ADARB2: variants seen among roughly 807,000 people sequenced by gnomAD.
ADARB2 encodes adenosine deaminase RNA specific B2 (inactive).
A neutral mutation model predicts 62.2 loss-of-function variants in ADARB2; 25 were observed. That is an observed-to-expected ratio of 0.40 (90% CI 0.29 to 0.56). The LOEUF (loss-of-function observed/expected upper bound fraction) is 0.56. Among genes scored for constraint, ADARB2 ranks in the 20% least tolerant of loss-of-function variants. The pLI is 0.43. For missense variants in ADARB2, 1,071 were observed against 1,077.4 expected, an observed-to-expected ratio of 0.99 and a Z score of 0.08; for synonymous variants, 572 against 500.8, an observed-to-expected ratio of 1.14 and a Z score of -1.90.
At chr10:1,365,843 A>C (rs1832309465) in intron 2 of ADARB2, among the ~76,000 whole-genome samples, 1 of 152,232 alleles carries the variant, frequency 6.6e-6, no homozygotes, top group African/African-American at 2.4e-5. Context: ...AAAACTGAAA[A>C]CTTTGAAAAT....
chr10:1,324,221 G>A (rs376696937), intron 3 of ADARB2, among the ~76,000 whole-genome samples: 2 of 152,194 alleles, frequency 1.3e-5, no homozygotes, highest in African/African-American at 2.4e-5. Context: ...CACACATCAC[G>A]GAATGGCTGT....
At position 1,475,766 on chromosome 10, in the gene ADARB2, C is replaced by T. The variant is rs541047799; in HGVS notation, c.101-96606G>A. ...AAGTTTGAAGAGAGATAGGGCTGCCCAATGGAAAGAAAATGTGGAAATCAA... is the reference window on the plus strand; with the variant it reads ...AAGTTTGAAGAGAGATAGGGCTGCCTAATGGAAAGAAAATGTGGAAATCAA... On this transcript the variant is annotated intron_variant, in intron 1 of 9. Coordinates refer to ENST00000381312, the MANE Select transcript of ADARB2 (RefSeq NM_018702.4). Among the ~76,000 whole-genome samples, 4 of 152,178 alleles carry T rather than the reference C, an allele frequency of 2.6e-5. No individual in the cohort carries two copies. The South Asian group carries it at 6.2e-4, about 24-fold the overall frequency.
chr10:1,214,722 T>A (rs1837210807), intron 7 of ADARB2, among the ~76,000 whole-genome samples: 1 of 152,244 alleles, frequency 6.6e-6, no homozygotes, highest in Non-Finnish European at 1.5e-5. Flanking sequence ...CAAGAGAATT[T>A]CAGTTGAGGT....
At chr10:1,225,514 G>T (rs1372999118) in intron 6 of ADARB2, among the ~76,000 whole-genome samples, 1 of 149,032 alleles carries the variant, frequency 6.7e-6, no homozygotes, top group East Asian at 2.0e-4. Context: ...CCTTGATGGT[G>T]TTTACAATTT....
intron 1 of ADARB2, among the ~76,000 whole-genome samples, chr10:1,490,630 T>C (rs1831610330): frequency 6.6e-6 from 1 of 152,110 alleles, no homozygotes; most frequent in Non-Finnish European, 1.5e-5. Context: ...AATTTTTGTA[T>C]TTTTAGTAGA....
chr10:1,475,644 T>A (rs570219292), intron 1 of ADARB2, among the ~76,000 whole-genome samples: 1 of 152,370 alleles, frequency 6.6e-6, no homozygotes, highest in African/African-American at 2.4e-5. Flanking sequence ...TTCTGGCATA[T>A]TTTTTAAAGT....
At chr10:1,611,119 G>C (rs955256749) in intron 1 of ADARB2, among the ~76,000 whole-genome samples, 2 of 152,212 alleles carry the variant, frequency 1.3e-5, no homozygotes, top group Admixed American at 6.5e-5. Context: ...GGGCAAGGGA[G>C]GGGGAGGAAA....
chr10:1,336,740 T>G (rs1831977526), intron 3 of ADARB2, among the ~76,000 whole-genome samples: 1 of 152,190 alleles, frequency 6.6e-6, no homozygotes. Context: ...TACGCTTTCT[T>G]AGTCCACTGA....
chr10:1,577,772 C>A lies in ADARB2; in HGVS notation c.100+159279G>T, dbSNP rs542590381. On this transcript the variant is annotated intron_variant, in intron 1 of 9. Transcript: ENST00000381312. The stretch of plus-strand genomic sequence containing the variant: ...CCAAAGTCCCATGCTGAAGCCCTAA[C>A]CCCCAGGACATCAGACGGTGACTGT... Among the ~76,000 whole-genome samples, 394 of 152,344 alleles carry A rather than the reference C, an allele frequency of 2.6e-3. 2 individuals carry two copies. The highest frequency in any genetic ancestry group is 9.1e-3 in the African/African-American group (378 of 41,576).
chr10:1,370,405 C>G (rs1280452316), intron 2 of ADARB2, among the ~76,000 whole-genome samples: 1 of 152,216 alleles, frequency 6.6e-6, no homozygotes, highest in Non-Finnish European at 1.5e-5. Context: ...ATGATGTCCA[C>G]TCTCACTACT....
intron 4 of ADARB2, among the ~76,000 whole-genome samples, chr10:1,260,693 GGAAGAATCAATATTGT>G (rs1831127805): frequency 1.3e-5 from 2 of 149,780 alleles, no homozygotes; most frequent in African/African-American, 4.9e-5. Context: ...CTCATGGGTA[GGAAGAATCAATATTGT>G]GAAAATGGCC....
At chr10:1,279,980 T>C (rs950303473) in intron 3 of ADARB2, among the ~76,000 whole-genome samples, 3 of 152,126 alleles carry the variant, frequency 2.0e-5, no homozygotes, top group African/African-American at 7.2e-5. Context: ...TCTGGGGCTG[T>C]TGGGATGGGA....
rs184092218 is a variant in ADARB2, at chr10:1,637,759, G to T, written c.100+99292C>A. Among the ~76,000 whole-genome samples the T allele has an allele frequency of 6.6e-5, 10 of 152,210 alleles. No individual in the cohort carries two copies. In the South Asian group the frequency reaches 1.7e-3, roughly 25 times the overall value. ...TTAATCGCTCGCAATAATTTGCCTC[G>T]TCACCAAGTTAATGTGTCTGCGTGG... On this transcript the variant is annotated intron_variant, in intron 1 of 9. Coordinates refer to ENST00000381312, the MANE Select transcript of ADARB2 (RefSeq NM_018702.4).
At chr10:1,185,259 G>A (rs1211246007) in intron 8 of ADARB2, among the ~76,000 whole-genome samples, 1 of 152,222 alleles carries the variant, frequency 6.6e-6, no homozygotes, top group Non-Finnish European at 1.5e-5. Context: ...CTGCACCTGC[G>A]TCAACCTTCT....
chr10:1,601,241 CTG>C (rs1833408938), intron 1 of ADARB2, among the ~76,000 whole-genome samples: 1 of 152,170 alleles, frequency 6.6e-6, no homozygotes, highest in Non-Finnish European at 1.5e-5. Flanking sequence ...TTTGTGAAGC[CTG>C]TGAGTGGTCA....
chr10:1,395,843 C>T (rs1832608356), intron 1 of ADARB2, among the ~76,000 whole-genome samples: 1 of 152,218 alleles, frequency 6.6e-6, no homozygotes, highest in African/African-American at 2.4e-5. Context: ...CCCGGCTTCC[C>T]CAGGCCTTGC....
intron 3 of ADARB2, among the ~76,000 whole-genome samples, chr10:1,345,197 C>T (rs867576038): frequency 6.6e-6 from 1 of 152,044 alleles, no homozygotes; most frequent in Non-Finnish European, 1.5e-5. Context: ...TCCCCCCTCA[C>T]GAGGCCTCGT....
rs115269828 is a variant in ADARB2 at position 1,711,262 on chromosome 10, T to C, written c.100+25789A>G. On this transcript the variant is annotated intron_variant, in intron 1 of 9. Transcript: ENST00000381312. ...AGCTGAGAACAAACTCAAGGTCTCC[T>C]ATCTGTGAGAACAAACTCAAGGTCT... Among the ~76,000 whole-genome samples the C allele has an allele frequency of 4.1e-3, 621 of 152,202 alleles. 7 individuals are homozygous for C. The highest frequency in any genetic ancestry group is 0.014 in the African/African-American group (598 of 41,518).
chr10:1,367,552 T>C (rs953147958), intron 2 of ADARB2, among the ~76,000 whole-genome samples: 3 of 152,178 alleles, frequency 2.0e-5, no homozygotes, highest in South Asian at 4.1e-4. Flanking sequence ...GGTATACATA[T>C]AGCACTGCTC....
Sources: allele counts gnomAD v4.1 joint callset (sites outside exome capture counted in the v4.1 genomes callset), GRCh38; gene constraint gnomAD v4.1.1; transcripts MANE v1.5; gene names NCBI Gene and HGNC (gene_info 2026-07-23, HGNC 2026-07-21).